MED26: variants seen among roughly 807,000 people sequenced by gnomAD.
The protein encoded by MED26 is mediator of RNA polymerase II transcription subunit 26.
In MED26, 7 loss-of-function variants were observed where a neutral mutation model predicts 43.7. The ratio of observed to expected loss-of-function variants is 0.16; its 90% CI spans 0.09 to 0.30. The LOEUF (loss-of-function observed/expected upper bound fraction) is 0.30, where lower values mean the gene tolerates loss of function less well. Among genes scored for constraint, MED26 ranks in the 10% least tolerant of loss-of-function variants. The probability of loss-of-function intolerance (pLI) is 1.00; values close to 1 mark genes in which losing one functional copy is unlikely to be tolerated. For synonymous variants in MED26, 375 were observed against 371.1 expected (o/e 1.01, Z -0.12); for missense variants, 784 against 840.6 (o/e 0.93, Z 0.83).
At chr19:16,609,311 C>CAAAAAAAA (rs777358965) in intron 1 of MED26, among the ~76,000 whole-genome samples, 3 of 25,040 alleles carry the variant, frequency 1.2e-4, no homozygotes, top group Non-Finnish European at 1.8e-4. Context: ...GACTCCGTCT[C>CAAAAAAAA]AAAAAAAAAA....
Position 16,577,880 on chromosome 19 carries a change from G to A in MED26, c.148-198C>T. On this transcript the variant is annotated intron_variant, in intron 2 of 2. Transcript: ENST00000263390. The surrounding 1 kb of genome is among the most constrained non-coding windows in gnomAD (Gnocchi z 8.1). ...TATAAATTCTCAAACCTAGTTCCCA[G>A]ACCTTCAGGGTCCCAGGTGGCTTCT... 1.9e-6 allele frequency: 1 copy of A among 526,482 alleles called. No homozygotes were observed. The highest frequency in any genetic ancestry group is 3.3e-6 in the Non-Finnish European group (1 of 301,294). 32.6% of individuals were successfully genotyped at this position (526,482 alleles called of 1,614,324 possible).
chr19:16,594,402 G>A (rs905630084), intron 1 of MED26, among the ~76,000 whole-genome samples: 2 of 152,258 alleles, frequency 1.3e-5, no homozygotes, highest in African/African-American at 2.4e-5. Flanking sequence ...ACTTCCTGCT[G>A]TGGACCTGAA....
chr19:16,578,929 C>T lies in MED26; in HGVS notation c.73-520G>A, dbSNP rs3786592. On this transcript the variant is annotated intron_variant, in intron 1 of 2. Coordinates refer to ENST00000263390, the MANE Select transcript of MED26 (RefSeq NM_004831.5). ...CAGCCTGGCCAACACAGTGAAACCC[C>T]ATCTCTATTAAAAATACAAAAATTA... Among the ~76,000 whole-genome samples, 68 of 152,192 alleles carry T rather than the reference C, an allele frequency of 4.5e-4. No individual in the cohort carries two copies. In the East Asian group the frequency reaches 0.012, roughly 26 times the overall value.
At chr19:16,617,916 C>T (rs987356531) in intron 1 of MED26, among the ~76,000 whole-genome samples, 3 of 152,184 alleles carry the variant, frequency 2.0e-5, no homozygotes, top group Non-Finnish European at 4.4e-5. Flanking sequence ...GGCCCGTTTC[C>T]GTCACGGCCA....
At position 16,576,573 on chromosome 19, in the gene MED26, C is replaced by G; in HGVS notation, c.1257G>C (p.Arg419=). 1 of 1,614,232 alleles carries G rather than the reference C, an allele frequency of 6.2e-7. No individual in the cohort carries two copies. The highest frequency in any genetic ancestry group is 8.5e-7 in the Non-Finnish European group (1 of 1,180,046). The change falls in exon 3 of 3, where the codon CGG becomes CGC. Residue 419 remains arginine, a synonymous_variant. Coordinates refer to ENST00000263390, the MANE Select transcript of MED26 (RefSeq NM_004831.5). This position sits in a 1 kb window ranked among gnomAD's most constrained non-coding sequence, Gnocchi z 6.8. ...CAAAGGTGAGCTTCCGCTCTTTTAA[C>G]CGGACAGGCTTGACGCCCGCCTCAG... The part of the protein sequence containing the change: ...QVAEAGVKPV[R]LKERKLTFDP...
rs368238439 is a variant in MED26, at chr19:16,584,203, A to G, written c.73-5794T>C. Among the ~76,000 whole-genome samples the G allele has an allele frequency of 1.1e-3, 160 of 151,622 alleles. 4 individuals carry two copies. The South Asian group carries it at 0.033, about 31-fold the overall frequency. The stretch of plus-strand genomic sequence containing the variant: ...GGGAGGCGGAGGTTGCAATGAGCTG[A>G]GATCACGCCACTGCACTCCAGCCTC... On this transcript the variant is annotated intron_variant, in intron 1 of 2. Coordinates refer to ENST00000263390, the MANE Select transcript of MED26 (RefSeq NM_004831.5).
chr19:16,617,977 C>A (rs1424204668), intron 1 of MED26, among the ~76,000 whole-genome samples: 2 of 152,186 alleles, frequency 1.3e-5, no homozygotes, highest in Admixed American at 6.5e-5. Flanking sequence ...AGAGCCCCCC[C>A]AGAAACACAA....
chr19:16,577,641 T>A lies in MED26; in HGVS notation c.189A>T (p.Lys63Asn). The change falls in exon 3 of 3, where the codon AAA becomes AAT. Residue 63 changes from lysine (K) to asparagine (N), a missense_variant. Around this residue, in one of 3 missense-constraint regions of MED26, gnomAD observed 28 missense variants for 79.4 expected, o/e 0.35. Transcript: ENST00000263390. The surrounding 1 kb of genome is among the most constrained non-coding windows in gnomAD (Gnocchi z 8.1). ...GCTTGGCGAGCTCCTCGTTCTTGGT[T>A]TTCTTGCGGACGTCGTTGATGAGCT... ...LGKLINDVRKKTKNEELAKRA... is the reference protein window; with the variant it reads ...LGKLINDVRKNTKNEELAKRA... The A allele has an allele frequency of 6.3e-7, 1 of 1,587,778 alleles. No individual in the cohort carries two copies. Among genetic ancestry groups the A allele is most frequent in the South Asian group, 1.1e-5 (1 of 89,946 alleles).
At chr19:16,594,232 C>T (rs1332327724) in intron 1 of MED26, among the ~76,000 whole-genome samples, 2 of 152,212 alleles carry the variant, frequency 1.3e-5, no homozygotes, top group African/African-American at 4.8e-5. Flanking sequence ...ACTCAAGGGC[C>T]ACCAGGGCTC....
rs551307570 is a variant in MED26, at chr19:16,578,017, G to C, written c.147+318C>G. ...GGTGAGAGGGTGCTGTGGCCGAGGC[G>C]ACAGCACAGAGGGTCCGCTTCAAGT... On this transcript the variant is annotated intron_variant, in intron 2 of 2. Coordinates refer to ENST00000263390, the MANE Select transcript of MED26 (RefSeq NM_004831.5). 1.6e-5 allele frequency: 8 copies of C among 484,922 alleles called. No homozygotes were observed. The East Asian group carries it at 3.2e-4, about 19-fold the overall frequency. 30.0% of individuals were successfully genotyped at this position (484,922 alleles called of 1,614,324 possible). A position where few individuals can be genotyped will look rare whatever the true frequency, so the allele number is the denominator to read the frequency against.
At chr19:16,613,522 C>A (rs776256001) in intron 1 of MED26, among the ~76,000 whole-genome samples, 1 of 152,122 alleles carries the variant, frequency 6.6e-6, no homozygotes, top group Admixed American at 6.6e-5. Context: ...CTACCCAAGG[C>A]GCTTGACGGG....
rs2085987371 is a variant in MED26 at position 16,575,343 on chromosome 19, A to G, written c.*684T>C. Reference sequence around the variant, plus strand: ...TTAAAATAAACATGAGAAAACTTAAATTTTTGCAGCATTTCTTTAAAAACT... The same window carrying G: ...TTAAAATAAACATGAGAAAACTTAAGTTTTTGCAGCATTTCTTTAAAAACT... On this transcript the variant is annotated 3_prime_UTR_variant, in exon 3 of 3. Coordinates refer to ENST00000263390, the MANE Select transcript of MED26 (RefSeq NM_004831.5). 6.6e-6 allele frequency: 1 copy of G among 152,648 alleles called. No homozygotes were observed. Among genetic ancestry groups the G allele is most frequent in the Non-Finnish European group, 1.5e-5 (1 of 68,038 alleles). 9.5% of individuals were successfully genotyped at this position (152,648 alleles called of 1,614,324 possible).
intron 1 of MED26, among the ~76,000 whole-genome samples, chr19:16,618,807 A>G (rs2086237578): frequency 1.3e-5 from 2 of 152,224 alleles, no homozygotes; most frequent in African/African-American, 4.8e-5. Context: ...AACTAATTCA[A>G]TCAAACTGCT....
In MED26 at chr19:16,604,887, A is replaced by T. The variant is rs571971369; in HGVS notation, c.72+22985T>A. Among the ~76,000 whole-genome samples, 10 of 152,298 alleles carry T rather than the reference A, an allele frequency of 6.6e-5. No homozygotes were observed. The South Asian group carries it at 2.1e-3, about 32-fold the overall frequency. On this transcript the variant is annotated intron_variant, in intron 1 of 2. Transcript: ENST00000263390. Reference sequence around the variant, plus strand: ...ACCACAAAAATATGTGTCCGTCCCAAGCCTCTGTGAGCCTCATCTGTTCAT... The same window carrying T: ...ACCACAAAAATATGTGTCCGTCCCATGCCTCTGTGAGCCTCATCTGTTCAT...
At chr19:16,608,524 T>C (rs1439077072) in intron 1 of MED26, among the ~76,000 whole-genome samples, 2 of 152,246 alleles carry the variant, frequency 1.3e-5, no homozygotes, top group Non-Finnish European at 2.9e-5. Context: ...GTAAACACTA[T>C]AAATCAGGGC....
intron 1 of MED26, chr19:16,610,351 AC>A (rs1481139731): frequency 1.3e-5 from 2 of 151,976 alleles, no homozygotes; most frequent in Non-Finnish European, 2.9e-5. Context: ...TTCAGTATTA[AC>A]TATGCTCCCT....
At chr19:16,618,581 A>AT (rs780672153) in intron 1 of MED26, among the ~76,000 whole-genome samples, 28 of 151,878 alleles carry the variant, frequency 1.8e-4, no homozygotes, top group African/African-American at 4.8e-4. Flanking sequence ...TACATTTCCC[A>AT]TTTTTTTCCC....
At chr19:16,627,723 G>C in intron 1 of MED26, 149 bp downstream of exon 1, 1 of 498,156 alleles carries the variant, frequency 2.0e-6, no homozygotes, top group Non-Finnish European at 3.2e-6. Flanking sequence ...GCCCGGGCCC[G>C]AGAAGCGAGA....
chr19:16,602,436 A>T (rs902915606), intron 1 of MED26, among the ~76,000 whole-genome samples: 5 of 152,040 alleles, frequency 3.3e-5, no homozygotes, highest in African/African-American at 7.2e-5. Flanking sequence ...CCACACCCCT[A>T]CCACCTTTCT....
Sources: allele counts gnomAD v4.1 joint callset (sites outside exome capture counted in the v4.1 genomes callset), GRCh38; gene constraint gnomAD v4.1.1; regional missense constraint gnomAD v4.1.1; non-coding constraint Gnocchi (gnomAD v3.1); transcripts MANE v1.5; gene names NCBI Gene and HGNC (gene_info 2026-07-23, HGNC 2026-07-21).